Variants in VIPR1 observed in about 807,000 individuals in gnomAD.
VIPR1 encodes vasoactive intestinal peptide receptor 1.
A neutral mutation model predicts 58.8 loss-of-function variants in VIPR1; 59 were observed. The ratio of observed to expected loss-of-function variants is 1.00; its 90% CI spans 0.81 to 1.25. VIPR1 has a LOEUF of 1.25. Among genes scored for constraint, VIPR1 ranks in the 50% most tolerant of loss-of-function variants. The probability of loss-of-function intolerance (pLI) is 0.00; values close to 1 mark genes in which losing one functional copy is unlikely to be tolerated. For synonymous variants in VIPR1, 251 were observed against 242.1 expected (o/e 1.04, Z -0.34); for missense variants, 626 against 602.7 (o/e 1.04, Z -0.40).
chr3:42,499,028 C>T (rs1250111467), upstream of VIPR1, among the ~76,000 whole-genome samples: 1 of 152,316 alleles, frequency 6.6e-6, no homozygotes, highest in Non-Finnish European at 1.5e-5. Context: ...CCAGAGCTAC[C>T]AGCCCCGCTC....
At chr3:42,528,176 C>T in intron 6 of VIPR1, 53 bp downstream of exon 6, 8 of 1,591,238 alleles carry the variant, frequency 5.0e-6, no homozygotes, top group Non-Finnish European at 6.8e-6. Context: ...TATCTTTAAC[C>T]ACTGTAATCT....
At chr3:42,502,624 G>C (rs527949035), upstream of VIPR1, 7 of 826,916 alleles carry the variant, frequency 8.5e-6, no homozygotes, top group South Asian at 3.4e-4. Context: ...CTTAGCTCTG[G>C]GGCCACAGCG....
chr3:42,512,795 A>G, intron 1 of VIPR1: 1 of 985,442 alleles, frequency 1.0e-6, no homozygotes, highest in Non-Finnish European at 1.2e-6. Flanking sequence ...GCCAGCAACC[A>G]CTTTTCTAAA....
intron 1 of VIPR1, among the ~76,000 whole-genome samples, chr3:42,507,477 C>T (rs1700168700): frequency 6.6e-6 from 1 of 152,204 alleles, no homozygotes; most frequent in Non-Finnish European, 1.5e-5. Flanking sequence ...GGGGAAGAGG[C>T]CACCAACCAA....
rs143030594 is a variant in VIPR1, at chr3:42,531,982, C to A, written c.918+113C>A. The stretch of plus-strand genomic sequence containing the variant: ...TAGGTCAGAACTGAAACGTAGCTTC[C>A]TAATGCCCAATGCAGGATCATCCCC... On this transcript the variant is annotated intron_variant, in intron 9 of 12. Coordinates refer to ENST00000325123, the MANE Select transcript of VIPR1 (RefSeq NM_004624.4). The A allele has an allele frequency of 1.4e-3, 1,747 of 1,265,204 alleles. 22 individuals carry two copies. The African/African-American group carries it at 0.023, about 17-fold the overall frequency. 78.4% of individuals were successfully genotyped at this position (1,265,204 alleles called of 1,614,324 possible). A position where few individuals can be genotyped will look rare whatever the true frequency, so the allele number is the denominator to read the frequency against.
At chr3:42,519,124 G>T in intron 2 of VIPR1, 99 bp from the exon 3 acceptor site, 1 of 980,078 alleles carries the variant, frequency 1.0e-6, no homozygotes. Flanking sequence ...TGGGAGCCTG[G>T]CAGAGGGAGG....
chr3:42,489,599 C>T (rs374448427), exon 1 of VIPR1: 1 of 152,412 alleles, frequency 6.6e-6, no homozygotes, highest in Non-Finnish European at 1.5e-5. Flanking sequence ...AAGGAAGTGA[C>T]TCCCTCAGCT....
chr3:42,513,672 G>A (rs41289574), intron 1 of VIPR1, 77 bp from the exon 2 acceptor site: 3 of 1,442,672 alleles, frequency 2.1e-6, no homozygotes, highest in Admixed American at 2.0e-5. Context: ...GAGAGGGCAG[G>A]TGCAGTCCAG....
Position 42,522,080 on chromosome 3 carries a change from AATAT to A in VIPR1, c.292+2769_292+2772del, listed in dbSNP as rs59106663. ...TCTTTCATCTGTGTTTCTACCTTCG[AATAT>A]ATATATATATATATATATTTTTTTT... On this transcript the variant is annotated intron_variant, in intron 3 of 12. Transcript: ENST00000325123. Among the ~76,000 whole-genome samples the A allele has an allele frequency of 2.2e-3, 117 of 53,004 alleles. 1 individual carries two copies. Among genetic ancestry groups the A allele is most frequent in the South Asian group, 3.1e-3 (3 of 968 alleles). The allele number at this position is 53,004 out of a possible 152,430, so 34.8% of individuals were successfully genotyped here.
At chr3:42,528,354 G>A in intron 6 of VIPR1, 1 of 577,454 alleles carries the variant, frequency 1.7e-6, no homozygotes, top group Non-Finnish European at 3.0e-6. Flanking sequence ...TCACAGACCT[G>A]CCGCCGCCAG....
rs149926830 is a variant in VIPR1 at position 42,530,794 on chromosome 3, G to A, written c.652G>A (p.Ala218Thr). Residue 218 changes from alanine to threonine, a missense_variant, in exon 7 of 13, where the codon GCC (alanine) becomes ACC (threonine). Transcript: ENST00000325123. ...CCCCCTGCAGGTGGGCTGTAAGGCA[G>A]CCATGGTCTTTTTCCAATATTGTGT... ...CSEGSVGCKA[A>T]MVFFQYCVMA... The A allele has an allele frequency of 8.1e-6, 13 of 1,613,968 alleles. No individual in the cohort carries two copies. The African/African-American group carries it at 1.7e-4, about 22-fold the overall frequency.
intron 1 of VIPR1, among the ~76,000 whole-genome samples, chr3:42,490,029 C>T (rs918534089): frequency 6.6e-6 from 1 of 152,090 alleles, no homozygotes; most frequent in African/African-American, 2.4e-5. Flanking sequence ...CCCAGAGAGG[C>T]TAAGCTCTGC....
At position 42,528,067 on chromosome 3, in the gene VIPR1, A is replaced by T. The variant is rs767218312; in HGVS notation, c.580A>T (p.Ile194Phe). 2 of 1,614,062 alleles carry T rather than the reference A, an allele frequency of 1.2e-6. No homozygotes were observed. Among genetic ancestry groups the T allele is most frequent in the African/African-American group, 1.3e-5 (1 of 75,020 alleles). Residue 194 changes from isoleucine (I) to phenylalanine (F), a missense_variant, in exon 6 of 13, where the codon ATC (isoleucine) becomes TTC (phenylalanine). By Grantham distance (21) the Ile-to-Phe change is conservative. Coordinates refer to ENST00000325123, the MANE Select transcript of VIPR1 (RefSeq NM_004624.4). ...SFILRAAAVFIKDLALFDSGE... is the reference protein window; with the variant it reads ...SFILRAAAVFFKDLALFDSGE... ...CATCCTGAGGGCTGCCGCTGTCTTC[A>T]TCAAAGACTTGGCCCTCTTCGACAG...
chr3:42,525,907 T>C lies in VIPR1; in HGVS notation c.313T>C (p.Cys105Arg). 6.2e-7 allele frequency: 1 copy of C among 1,612,880 alleles called. No individual in the cohort carries two copies. Among genetic ancestry groups the C allele is most frequent in the Non-Finnish European group, 8.5e-7 (1 of 1,179,590 alleles). ...CCCAGGCCGCAATGTAAGCCGCAGCTGCACCGACGAAGGCTGGACGCACCT... is the reference window on the plus strand; with the variant it reads ...CCCAGGCCGCAATGTAAGCCGCAGCCGCACCGACGAAGGCTGGACGCACCT... ...SIQGRNVSRS[C>R]TDEGWTHLEP... The change falls in exon 4 of 13, where the codon TGC (cysteine) becomes CGC (arginine). Residue 105 changes from cysteine (C) to arginine (R), a missense_variant. By Grantham distance (180) the Cys-to-Arg change is radical. Transcript: ENST00000325123.
chr3:42,521,818 G>T (rs1180269302), intron 3 of VIPR1, among the ~76,000 whole-genome samples: 1 of 151,768 alleles, frequency 6.6e-6, no homozygotes, highest in Non-Finnish European at 1.5e-5. Context: ...CACCATCTTG[G>T]CTCACTGCAA....
intron 8 of VIPR1, 112 bp downstream of exon 8, chr3:42,531,643 G>A (rs749428724): frequency 3.2e-4 from 495 of 1,563,366 alleles, no homozygotes; most frequent in Non-Finnish European, 4.2e-4. Context: ...CAGCTCTCGG[G>A]CCAGAGGGGA....
intron 10 of VIPR1, chr3:42,533,526 C>A (rs1249035667): frequency 6.6e-6 from 1 of 152,026 alleles, no homozygotes; most frequent in Non-Finnish European, 1.5e-5. Context: ...CCCCAACTTA[C>A]AATGGTTCAA....
chr3:42,523,887 G>A (rs1461852933), intron 3 of VIPR1, among the ~76,000 whole-genome samples: 4 of 151,494 alleles, frequency 2.6e-5, no homozygotes, highest in Non-Finnish European at 5.9e-5. Context: ...GTGTGATCTC[G>A]GCTCACTGCA....
At chr3:42,489,829 G>T (rs1479471481) in intron 1 of VIPR1, among the ~76,000 whole-genome samples, 1 of 152,070 alleles carries the variant, frequency 6.6e-6, no homozygotes, top group Non-Finnish European at 1.5e-5. Context: ...ATGGCCCTCC[G>T]CTGGTGGCCA....
Sources: gnomAD v4.1 joint callset for allele counts (sites outside exome capture counted in the v4.1 genomes callset) on GRCh38, gnomAD v4.1.1 for gene constraint, MANE v1.5 for transcripts, NCBI Gene and HGNC (gene_info 2026-07-23, HGNC 2026-07-21) for gene names.